TRPV2: variants seen among roughly 807,000 people sequenced by gnomAD.
TRPV2 encodes the protein OTRPC2.
A neutral mutation model predicts 91.0 loss-of-function variants in TRPV2; 58 were observed. That is an observed-to-expected ratio of 0.64 (90% CI 0.52 to 0.79). The LOEUF is 0.79. TRPV2 is among the 30% of genes least tolerant of loss of function. The pLI is 0.00. For synonymous variants in TRPV2, 417 were observed against 414.8 expected (o/e 1.01, Z -0.06); for missense variants, 807 against 969.6 (o/e 0.83, Z 2.23).
chr17:16,434,649 T>C (rs2093427870), intron 13 of TRPV2: 13 of 478,138 alleles, frequency 2.7e-5, no homozygotes, highest in Middle Eastern at 5.2e-4. Flanking sequence ...CAACCCAGGC[T>C]GCTGTGAACA....
At position 16,423,549 on chromosome 17, in the gene TRPV2, G is replaced by T. The variant is rs143117492; in HGVS notation, c.706G>T (p.Ala236Ser). ...SYLLENPHQP[A>S]SLQATDSQGN... Reference sequence around the variant, plus strand: ...CCTCCTGGAGAACCCACACCAGCCCGCCAGCCTGCAGGCCACTGACTCCCA... The same window carrying T: ...CCTCCTGGAGAACCCACACCAGCCCTCCAGCCTGCAGGCCACTGACTCCCA... Residue 236 changes from alanine to serine, a missense_variant, in exon 5 of 15, where the codon GCC becomes TCC. Transcript: ENST00000338560. The T allele has an allele frequency of 1.1e-4, 175 of 1,613,970 alleles. No individual in the cohort carries two copies. The highest frequency in any genetic ancestry group is 1.4e-4 in the Non-Finnish European group (168 of 1,180,016).
chr17:16,423,758 CAAGAT>C lies in TRPV2; in HGVS notation c.916_920del (p.Lys306ArgfsTer35). The C allele has an allele frequency of 6.3e-7, 1 of 1,578,104 alleles. No homozygotes were observed. The highest frequency in any genetic ancestry group is 8.6e-7 in the Non-Finnish European group (1 of 1,158,170). ...CTCTGAAGCTGGCCGCCAAGGAGGG[CAAGAT>C]CGAGGTGAGCGGCTGTCCCCTTCCC... On this transcript the variant is annotated frameshift_variant, in exon 5 of 15. Transcript: ENST00000338560. LOFTEE classifies it high-confidence loss of function.
Position 16,426,734 on chromosome 17 carries a change from A to G in TRPV2, c.1108A>G (p.Met370Val). The change falls in exon 7 of 15, where the codon ATG becomes GTG. Residue 370 changes from methionine to valine, a missense_variant. Transcript: ENST00000338560. This position sits in a 1 kb window ranked among gnomAD's most constrained non-coding sequence, Gnocchi z 6.0. ...CTCCCCACCCCAGCACCGACACCGAATGGTCGTTTTGGAGCCCCTGAACAA... is the reference window on the plus strand; with the variant it reads ...CTCCCCACCCCAGCACCGACACCGAGTGGTCGTTTTGGAGCCCCTGAACAA... ...FHCKSPHRHR[M>V]VVLEPLNKLL... is the part of the protein sequence containing the mutation. 6 of 1,613,812 alleles carry G rather than the reference A, an allele frequency of 3.7e-6. No individual in the cohort carries two copies. The highest frequency in any genetic ancestry group is 5.1e-6 in the Non-Finnish European group (6 of 1,179,840).
chr17:16,434,840 G>A lies in TRPV2; in HGVS notation c.2115-50G>A, dbSNP rs528085196. The A allele has an allele frequency of 1.3e-5, 21 of 1,580,322 alleles. No individual in the cohort carries two copies. The East Asian group carries it at 2.0e-4, about 15-fold the overall frequency. On this transcript the variant is annotated intron_variant, in intron 13 of 14. Coordinates refer to ENST00000338560, the MANE Select transcript of TRPV2 (RefSeq NM_016113.5). ...GGCCACGCCCCTCTCCGGGGTGGGAGGGGAGGCGGTCAAAGCAGGCAAACC... is the reference window on the plus strand; with the variant it reads ...GGCCACGCCCCTCTCCGGGGTGGGAAGGGAGGCGGTCAAAGCAGGCAAACC...
chr17:16,436,728 G>A (rs1244061000), intron 14 of TRPV2, 61 bp from the exon 15 acceptor site: 9 of 1,250,928 alleles, frequency 7.2e-6, no homozygotes, highest in Non-Finnish European at 1.1e-5. Flanking sequence ...CGTTTCCCTG[G>A]TGCCTGCTTC....
At chr17:16,427,569 C>T (rs759295669) in intron 8 of TRPV2, 22 bp downstream of exon 8, 29 of 1,598,432 alleles carry the variant, frequency 1.8e-5, no homozygotes, top group Non-Finnish European at 2.5e-5. Context: ...TCCCCTTCTC[C>T]TACCAAGAAG....
chr17:16,432,152 A>G lies in TRPV2; in HGVS notation c.1841A>G (p.Glu614Gly), dbSNP rs1175236164. Residue 614 changes from glutamate to glycine, a missense_variant, in exon 12 of 15, where the codon GAG becomes GGG. Coordinates refer to ENST00000338560, the MANE Select transcript of TRPV2 (RefSeq NM_016113.5). ...GGCATGGGCGAGCTGGCCTTCCAGG[A>G]GCAGCTGCACTTCCGCGGCATGGTG... Reference protein sequence around the residue: ...TIGMGELAFQEQLHFRGMVLL... With the variant: ...TIGMGELAFQGQLHFRGMVLL... The G allele has an allele frequency of 1.2e-6, 2 of 1,614,122 alleles. No individual in the cohort carries two copies. Among genetic ancestry groups the G allele is most frequent in the Non-Finnish European group, 1.7e-6 (2 of 1,180,048 alleles).
At position 16,426,548 on chromosome 17, in the gene TRPV2, G is replaced by C. The variant is rs1399162971; in HGVS notation, c.1096-174G>C. ...TCTCATTTGGAGGGCAAGCCCCTTA[G>C]TCACACTGTAGCTGGGAGGGTTGGC... On this transcript the variant is annotated intron_variant, in intron 6 of 14. Coordinates refer to ENST00000338560, the MANE Select transcript of TRPV2 (RefSeq NM_016113.5). This position sits in a 1 kb window ranked among gnomAD's most constrained non-coding sequence, Gnocchi z 6.0. Among the ~76,000 whole-genome samples, 1 of 152,216 alleles carries C rather than the reference G, an allele frequency of 6.6e-6. No individual in the cohort carries two copies. Among genetic ancestry groups the C allele is most frequent in the Non-Finnish European group, 1.5e-5 (1 of 68,038 alleles).
rs2093416854 is a variant in TRPV2 at position 16,432,265 on chromosome 17, G to A, written c.1954G>A (p.Val652Ile). The change falls in exon 12 of 15, where the codon GTC becomes ATC. Residue 652 changes from valine to isoleucine, a missense_variant. Transcript: ENST00000338560. ...IALMSETVNS[V>I]ATDSWSIWKL... ...CCTCATGAGCGAGACCGTCAACAGT[G>A]TCGCCACTGACAGCTGGAGCATCTG... 6.2e-7 allele frequency: 1 copy of A among 1,610,898 alleles called. No homozygotes were observed. The highest frequency in any genetic ancestry group is 8.5e-7 in the Non-Finnish European group (1 of 1,177,334).
At chr17:16,430,487 C>CTTTTTTTTTTTTTT (rs576176898) in intron 10 of TRPV2, among the ~76,000 whole-genome samples, 1 of 80,480 alleles carries the variant, frequency 1.2e-5, no homozygotes. Flanking sequence ...AAATGCCTTC[C>CTTTTTTTTTTTTTT]TTTTTTTTTT....
chr17:16,426,213 G>A lies in TRPV2; in HGVS notation c.1039G>A (p.Asp347Asn). The A allele has an allele frequency of 6.2e-7, 1 of 1,614,238 alleles. No homozygotes were observed. Among genetic ancestry groups the A allele is most frequent in the Non-Finnish European group, 8.5e-7 (1 of 1,180,048 alleles). ...GTCGCTGTATGACCTGGCTTCTGTG[G>A]ACAGCTGTGAGGAGAACTCAGTGCT... ...RVSLYDLASV[D>N]SCEENSVLEI... The change falls in exon 6 of 15, where the codon GAC (aspartate) becomes AAC (asparagine). Residue 347 changes from aspartate (D) to asparagine (N), a missense_variant. By Grantham distance (23) the Asp-to-Asn change is conservative (BLOSUM62 1). Coordinates refer to ENST00000338560, the MANE Select transcript of TRPV2 (RefSeq NM_016113.5). This position sits in a 1 kb window ranked among gnomAD's most constrained non-coding sequence, Gnocchi z 6.0.
chr17:16,423,723 G>A lies in TRPV2; in HGVS notation c.880G>A (p.Asp294Asn), dbSNP rs750769111. The A allele has an allele frequency of 5.6e-6, 9 of 1,606,174 alleles. No individual in the cohort carries two copies. The South Asian group carries it at 8.8e-5, about 16-fold the overall frequency. ...GCTTGAGGACATCCGCAACCTGCAG[G>A]ATCTCACGCCTCTGAAGCTGGCCGC... is the stretch of plus-strand genomic sequence containing the variant. Reference protein sequence around the residue: ...VQLEDIRNLQDLTPLKLAAKE... With the variant: ...VQLEDIRNLQNLTPLKLAAKE... Residue 294 changes from aspartate to asparagine, a missense_variant, in exon 5 of 15, where the codon GAT becomes AAT. By Grantham distance (23) the Asp-to-Asn change is conservative. Transcript: ENST00000338560.
Position 16,428,871 on chromosome 17 carries a change from C to A in TRPV2, c.1476C>A (p.Ile492=), listed in dbSNP as rs867587637. 2 of 1,614,078 alleles carry A rather than the reference C, an allele frequency of 1.2e-6. No homozygotes were observed. Among genetic ancestry groups the A allele is most frequent in the Non-Finnish European group, 1.7e-6 (2 of 1,180,036 alleles). ...CCCAGGTGCTGTGTTTCCTGGCCAT[C>A]GAGTGGTACCTGCCCCTGCTTGTGT... ...VVSQVLCFLA[I]EWYLPLLVSA... The change falls in exon 10 of 15, where the codon ATC becomes ATA. Residue 492 remains isoleucine (I), a synonymous_variant. Transcript: ENST00000338560.
In TRPV2 at chr17:16,417,746, C is replaced by G. The variant is rs375556607; in HGVS notation, c.78C>G (p.Asp26Glu). 2 of 1,614,208 alleles carry G rather than the reference C, an allele frequency of 1.2e-6. No homozygotes were observed. Among genetic ancestry groups the G allele is most frequent in the Non-Finnish European group, 1.7e-6 (2 of 1,180,038 alleles). ...GCCAAGAAGATGGCTCTGAGGCGGACAGAGGAAAGCTGGATTTTGGGAGCG... is the reference window on the plus strand; with the variant it reads ...GCCAAGAAGATGGCTCTGAGGCGGAGAGAGGAAAGCTGGATTTTGGGAGCG... ...DGGQEDGSEA[D>E]RGKLDFGSGL... is the part of the protein sequence containing the mutation. Residue 26 changes from aspartate to glutamate, a missense_variant, in exon 2 of 15, where the codon GAC (aspartate) becomes GAG (glutamate). Asp to Glu is a conservative substitution (Grantham distance 45). Coordinates refer to ENST00000338560, the MANE Select transcript of TRPV2 (RefSeq NM_016113.5).
chr17:16,428,110 C>T (rs1198561865), intron 8 of TRPV2, among the ~76,000 whole-genome samples: 1 of 152,226 alleles, frequency 6.6e-6, no homozygotes, highest in Non-Finnish European at 1.5e-5. Flanking sequence ...GGCTCTTCAC[C>T]TGCACCCCCC....
chr17:16,424,870 C>T (rs1309038277), intron 5 of TRPV2, among the ~76,000 whole-genome samples: 1 of 149,478 alleles, frequency 6.7e-6, no homozygotes, highest in Non-Finnish European at 1.5e-5. Flanking sequence ...TTGCTATTGT[C>T]TAATTCCTGC....
chr17:16,434,587 C>T (rs539917251), intron 13 of TRPV2: 2 of 330,528 alleles, frequency 6.1e-6, no homozygotes, highest in Admixed American at 1.0e-4. Context: ...GCCCCAGAAC[C>T]CGGAAGCACA....
chr17:16,431,822 C>T lies in TRPV2; in HGVS notation c.1626C>T (p.Tyr542=), dbSNP rs1479207350. ...ACCTGCTGCGCTTCCTTCTGATCTA[C>T]TTAGTCTTCCTTTTCGGCTTCGCTG... ...LRDLLRFLLI[Y]LVFLFGFAVA... is the part of the protein sequence containing the mutation. Residue 542 remains tyrosine, a synonymous_variant, in exon 11 of 15, where the codon TAC becomes TAT. Coordinates refer to ENST00000338560, the MANE Select transcript of TRPV2 (RefSeq NM_016113.5). 6.2e-7 allele frequency: 1 copy of T among 1,614,152 alleles called. No individual in the cohort carries two copies. The highest frequency in any genetic ancestry group is 1.7e-5 in the Admixed American group (1 of 60,034).
At chr17:16,428,566 C>T (rs1401471222) in intron 9 of TRPV2, 179 bp downstream of exon 9, 1 of 751,476 alleles carries the variant, frequency 1.3e-6, no homozygotes. Flanking sequence ...CCCTTGTGCT[C>T]CCATCACTGT....
Sources: gnomAD v4.1 joint callset for allele counts (sites outside exome capture counted in the v4.1 genomes callset) on GRCh38, gnomAD v4.1.1 for gene constraint, Gnocchi (gnomAD v3.1) non-coding constraint, MANE v1.5 for transcripts, NCBI Gene and HGNC (gene_info 2026-07-23, HGNC 2026-07-21) for gene names.